Variants in DST observed in about 807,000 individuals in gnomAD.
The protein encoded by DST is dystonin, also known as bullous pemphigoid antigen.
DST carries 253 observed loss-of-function variants against 875.2 expected under a neutral mutation model. The observed-to-expected ratio is 0.29, with a 90% CI of 0.26 to 0.32. The LOEUF is 0.32. DST is among the 10% of genes least tolerant of loss of function. DST has a pLI of 1.00. For missense variants in DST, 8,287 were observed against 9,111.6 expected, an observed-to-expected ratio of 0.91 and a Z score of 3.68; for synonymous variants, 3,124 against 3,197.1, an observed-to-expected ratio of 0.98 and a Z score of 0.77.
At position 56,735,306 on chromosome 6, in the gene DST, T is replaced by C. The variant is rs1243854530; in HGVS notation, c.626-17A>G. ...CCCGTTCATCTGGAAGGAAAAAATA[T>C]ATATAAAGATAAGGTTGGTAAAATC... is the stretch of plus-strand genomic sequence containing the variant. On this transcript the variant is annotated splice_polypyrimidine_tract_variant and intron_variant, in intron 4 of 103. Transcript: ENST00000680361. 2 of 1,431,382 alleles carry C rather than the reference T, an allele frequency of 1.4e-6. No homozygotes were observed. The highest frequency in any genetic ancestry group is 9.6e-7 in the Non-Finnish European group (1 of 1,040,422). 88.7% of individuals were successfully genotyped at this position (1,431,382 alleles called of 1,614,324 possible). A position where few individuals can be genotyped will look rare whatever the true frequency, so the allele number is the denominator to read the frequency against.
Position 56,497,962 on chromosome 6 carries a change from T to C in DST, c.19988A>G (p.Glu6663Gly), listed in dbSNP as rs1053168882. Residue 6663 changes from glutamate (E) to glycine (G), a missense_variant, in exon 81 of 104, where the codon GAA (glutamate) becomes GGA (glycine). Around this residue, in one of 10 missense-constraint regions of DST, gnomAD observed 1,292 missense variants for 1,552.7 expected, o/e 0.83. Coordinates refer to ENST00000680361, the MANE Select transcript of DST (RefSeq NM_001374736.1). ...TAGCTTGTTCTGAAGGTTGCTTGCT[T>C]CTTCTCCTGCACTTGATTCAATTAG... The part of the protein sequence containing the change: ...NDLIESSAGE[E>G]ASNLQNKLEV... 1.9e-6 allele frequency: 3 copies of C among 1,613,436 alleles called. No individual in the cohort carries two copies. In the African/African-American group the frequency reaches 4.0e-5, roughly 22 times the overall value.
At chr6:56,733,158 A>G (rs2099508996) in intron 5 of DST, among the ~76,000 whole-genome samples, 1 of 152,158 alleles carries the variant, frequency 6.6e-6, no homozygotes. Flanking sequence ...GTGGAGGGGT[A>G]GGCAGGGGGC....
At chr6:56,500,370 G>A (rs1005329603) in intron 80 of DST, among the ~76,000 whole-genome samples, 1 of 152,104 alleles carries the variant, frequency 6.6e-6, no homozygotes, top group Non-Finnish European at 1.5e-5. Flanking sequence ...GATCTATTAA[G>A]AAGTGTCACA....
chr6:56,471,478 T>G (rs1190659038), intron 94 of DST, among the ~76,000 whole-genome samples: 1 of 152,162 alleles, frequency 6.6e-6, no homozygotes, highest in Non-Finnish European at 1.5e-5. Context: ...CAAATAAAAT[T>G]CCTAAAAACT....
chr6:56,475,241 G>A (rs573201618), intron 92 of DST, among the ~76,000 whole-genome samples: 55 of 152,044 alleles, frequency 3.6e-4, no homozygotes, highest in Non-Finnish European at 7.4e-4. Context: ...GAAAAGTGAT[G>A]GGGAAAAGGA....
chr6:56,648,450 C>T, intron 13 of DST, 120 bp downstream of exon 13: 1 of 917,724 alleles, frequency 1.1e-6, no homozygotes, highest in South Asian at 2.1e-5. Flanking sequence ...ATTTTGCCTA[C>T]TTATTAATGG....
chr6:56,930,871 C>T (rs1040673358), intron 2 of DST, among the ~76,000 whole-genome samples: 4 of 152,254 alleles, frequency 2.6e-5, no homozygotes, highest in East Asian at 1.9e-4. Context: ...TCCTTTGTCA[C>T]GATTGCATGA....
chr6:56,867,112 C>T (rs1193054749), intron 3 of DST, among the ~76,000 whole-genome samples: 1 of 152,174 alleles, frequency 6.6e-6, no homozygotes, highest in Non-Finnish European at 1.5e-5. Context: ...GGGGGGATAA[C>T]AGAGAACCGA....
At chr6:56,592,987 C>A (rs749796471) in intron 48 of DST, among the ~76,000 whole-genome samples, 30 of 151,862 alleles carry the variant, frequency 2.0e-4, no homozygotes, top group Middle Eastern at 3.4e-3. Context: ...ATATACAAGA[C>A]AAACACCTGC....
At chr6:56,599,020 T>C (rs2098418558) in intron 45 of DST, among the ~76,000 whole-genome samples, 1 of 152,142 alleles carries the variant, frequency 6.6e-6, no homozygotes, top group Non-Finnish European at 1.5e-5. Flanking sequence ...TAATATTATA[T>C]GAGCACATGT....
intron 2 of DST, among the ~76,000 whole-genome samples, chr6:56,925,982 G>C (rs1357871565): frequency 2.0e-5 from 3 of 152,102 alleles, no homozygotes; most frequent in African/African-American, 7.2e-5. Context: ...TCTTGAAACT[G>C]TCTTTCTGAC....
chr6:56,528,552 A>C (rs1420862659), intron 67 of DST, among the ~76,000 whole-genome samples: 1 of 152,200 alleles, frequency 6.6e-6, no homozygotes, highest in African/African-American at 2.4e-5. Flanking sequence ...ACAAGTGGAA[A>C]AGTAATGTGA....
intron 85 of DST, among the ~76,000 whole-genome samples, chr6:56,491,448 G>A (rs987060846): frequency 6.6e-5 from 10 of 152,062 alleles, no homozygotes; most frequent in Admixed American, 3.9e-4. Flanking sequence ...TTTGTCAAGC[G>A]AGGTAGGTAC....
chr6:56,676,838 T>A (rs2099132888), intron 9 of DST, among the ~76,000 whole-genome samples: 1 of 151,930 alleles, frequency 6.6e-6, no homozygotes, highest in South Asian at 2.1e-4. Context: ...GTTGAACTCA[T>A]AGAAGTGGGG....
chr6:56,933,168 CTT>C, intron 2 of DST, among the ~76,000 whole-genome samples: 1 of 152,220 alleles, frequency 6.6e-6, no homozygotes, highest in African/African-American at 2.4e-5. Flanking sequence ...AGCTAACAAT[CTT>C]TTCTGCTGAC....
At position 56,616,834 on chromosome 6, in the gene DST, T is replaced by C. The variant is rs115542549; in HGVS notation, c.4930-2350A>G. The C allele has an allele frequency of 0.038, 61,955 of 1,614,152 alleles. 1,494 individuals carry two copies. The highest frequency in any genetic ancestry group is 0.046 in the Non-Finnish European group (54,203 of 1,180,012). On this transcript the variant is annotated intron_variant, in intron 36 of 103. Transcript: ENST00000680361. ...AAGAATATCCCACAGCTGCCTTCTC[T>C]GCCTCAAGAAGCCTAATTCTGAATT...
At chr6:56,588,603 A>T (rs2098210666) in intron 49 of DST, among the ~76,000 whole-genome samples, 1 of 152,166 alleles carries the variant, frequency 6.6e-6, no homozygotes, top group Admixed American at 6.5e-5. Flanking sequence ...GGCTCCAAAA[A>T]TTTTTTTCAG....
chr6:56,891,192 C>T (rs1787217934), intron 3 of DST, among the ~76,000 whole-genome samples: 2 of 152,180 alleles, frequency 1.3e-5, no homozygotes, highest in African/African-American at 4.8e-5. Flanking sequence ...GACAAGGAGC[C>T]AACAGCCTTC....
chr6:56,770,830 G>A (rs998121474), intron 4 of DST, among the ~76,000 whole-genome samples: 1 of 151,854 alleles, frequency 6.6e-6, no homozygotes, highest in South Asian at 2.1e-4. Flanking sequence ...GAGAAACCCC[G>A]TCTCTACTAA....
Sources: allele counts gnomAD v4.1 joint callset (sites outside exome capture counted in the v4.1 genomes callset), GRCh38; gene constraint gnomAD v4.1.1; regional missense constraint gnomAD v4.1.1; transcripts MANE v1.5; gene names NCBI Gene and HGNC (gene_info 2026-07-23, HGNC 2026-07-21).